NOL4L: variants seen among roughly 807,000 people sequenced by gnomAD.
The protein encoded by NOL4L is nucleolar protein 4-like.
A neutral mutation model predicts 64.5 loss-of-function variants in NOL4L; 7 were observed. The observed-to-expected ratio is 0.11, with a 90% CI of 0.06 to 0.20. The LOEUF is 0.20. Among genes scored for constraint, NOL4L ranks in the 10% least tolerant of loss-of-function variants. NOL4L has a pLI of 1.00. For synonymous variants in NOL4L, 413 were observed against 401.0 expected (o/e 1.03, Z -0.36); for missense variants, 680 against 967.1 (o/e 0.70, Z 3.94).
chr20:32,475,074 T>G (rs2015299458), intron 4 of NOL4L: 1 of 985,308 alleles, frequency 1.0e-6, no homozygotes, highest in South Asian at 4.7e-5. Flanking sequence ...AAACAAGGGC[T>G]GCCGCTCCCT....
Position 32,453,961 on chromosome 20 carries a change from C to T in NOL4L, c.1120-200G>A. On this transcript the variant is annotated intron_variant, in intron 6 of 10. Transcript: ENST00000621426. This position sits in a 1 kb window ranked among gnomAD's most constrained non-coding sequence, Gnocchi z 5.6. ...GCAATGGGGACAGCAATGCTACCAC[C>T]TCCCTCCCTGGGCTGCCGCAGGGAG... 1.7e-6 allele frequency: 1 copy of T among 596,982 alleles called. No individual in the cohort carries two copies. Among genetic ancestry groups the T allele is most frequent in the Non-Finnish European group, 3.0e-6 (1 of 336,194 alleles). The allele number at this position is 596,982 out of a possible 1,614,324, so 37.0% of individuals were successfully genotyped here.
intron 4 of NOL4L, among the ~76,000 whole-genome samples, chr20:32,478,284 C>T (rs1007935971): frequency 2.0e-5 from 3 of 152,112 alleles, no homozygotes; most frequent in Admixed American, 6.5e-5. Flanking sequence ...CTCTCTCTCT[C>T]TCTCTCTCAT....
chr20:32,582,916 G>C (rs1980574306), intron 1 of NOL4L, among the ~76,000 whole-genome samples: 1 of 152,134 alleles, frequency 6.6e-6, no homozygotes, highest in Admixed American at 6.5e-5. Context: ...CACTGATTTG[G>C]GCTGGGGGAG....
intron 1 of NOL4L, among the ~76,000 whole-genome samples, chr20:32,534,747 G>A (rs1029674734): frequency 1.3e-5 from 2 of 151,766 alleles, no homozygotes; most frequent in Non-Finnish European, 2.9e-5. Context: ...TGGGCGTGGC[G>A]GCATTCGACT....
Position 32,527,933 on chromosome 20 carries a change from C to G in NOL4L, c.322-20G>C, listed in dbSNP as rs751172360. Reference sequence around the variant, plus strand: ...TGCCCCCTGCGACAGGGTGGACAAGCTGTGTTAGTGTCAGGAATGATGGCG... The same window carrying G: ...TGCCCCCTGCGACAGGGTGGACAAGGTGTGTTAGTGTCAGGAATGATGGCG... On this transcript the variant is annotated intron_variant, in intron 1 of 10. Transcript: ENST00000621426. 1.1e-5 allele frequency: 17 copies of G among 1,544,678 alleles called. No homozygotes were observed. Among genetic ancestry groups the G allele is most frequent in the Middle Eastern group, 1.7e-4 (1 of 5,982 alleles).
chr20:32,494,748 G>C (rs889830198), intron 4 of NOL4L, among the ~76,000 whole-genome samples: 4 of 152,212 alleles, frequency 2.6e-5, no homozygotes, highest in Admixed American at 2.6e-4. Flanking sequence ...TGTGGACAAG[G>C]TTGGAGCAAT....
intron 1 of NOL4L, among the ~76,000 whole-genome samples, chr20:32,549,306 T>C (rs1326981686): frequency 6.6e-6 from 1 of 152,170 alleles, no homozygotes; most frequent in Non-Finnish European, 1.5e-5. Flanking sequence ...GGCAAGGATC[T>C]GAATAGATAT....
intron 5 of NOL4L, among the ~76,000 whole-genome samples, chr20:32,467,163 C>A (rs2014626609): frequency 6.6e-6 from 1 of 152,160 alleles, no homozygotes; most frequent in African/African-American, 2.4e-5. Flanking sequence ...CCCATGGCAC[C>A]CTGAGTACCA....
rs548543791 is a variant in NOL4L, at chr20:32,478,536, C to T, written c.700-3794G>A. Among the ~76,000 whole-genome samples, 211 of 152,340 alleles carry T rather than the reference C, an allele frequency of 1.4e-3. 1 individual carries two copies. Among genetic ancestry groups the T allele is most frequent in the Non-Finnish European group, 1.9e-3 (131 of 68,034 alleles). ...CCCAGCTCCCCAGGAAGTTTTCCCA[C>T]AGCCTCCAGGGTTCTGCCATGTGGA... On this transcript the variant is annotated intron_variant, in intron 4 of 10. Coordinates refer to ENST00000621426, the MANE Select transcript of NOL4L (RefSeq NM_001256798.2).
chr20:32,472,018 C>T (rs754277468), intron 5 of NOL4L, among the ~76,000 whole-genome samples: 25 of 152,158 alleles, frequency 1.6e-4, no homozygotes, highest in Admixed American at 5.9e-4. Context: ...CAACACCAAA[C>T]GGACCAACAC....
chr20:32,549,146 A>G (rs569811651), intron 1 of NOL4L, among the ~76,000 whole-genome samples: 6 of 152,224 alleles, frequency 3.9e-5, no homozygotes, highest in Non-Finnish European at 7.3e-5. Flanking sequence ...TAATGCTACA[A>G]TGGACACCAT....
chr20:32,503,947 A>G (rs185018909), intron 4 of NOL4L, among the ~76,000 whole-genome samples: 2 of 152,276 alleles, frequency 1.3e-5, no homozygotes, highest in African/African-American at 2.4e-5. Context: ...TAAATACCCA[A>G]TGCCATTTAA....
chr20:32,582,020 G>A (rs1234047052), intron 1 of NOL4L: 1 of 152,228 alleles, frequency 6.6e-6, no homozygotes. Flanking sequence ...TTGGATCAGT[G>A]AAAAGGAAAA....
At position 32,491,135 on chromosome 20, in the gene NOL4L, C is replaced by G. The variant is rs149274326; in HGVS notation, c.700-16393G>C. ...CAGACTCAGGGTTGACCATAGGGAG[C>G]CTCCAGGCCAGCAGGGGAGAGAGAG... is the stretch of plus-strand genomic sequence containing the variant. On this transcript the variant is annotated intron_variant, in intron 4 of 10. Transcript: ENST00000621426. Among the ~76,000 whole-genome samples, 6 of 152,306 alleles carry G rather than the reference C, an allele frequency of 3.9e-5. No homozygotes were observed. The East Asian group carries it at 9.6e-4, about 24-fold the overall frequency.
intron 1 of NOL4L, chr20:32,532,254 A>G (rs907729151): frequency 5.3e-6 from 3 of 562,192 alleles, no homozygotes; most frequent in African/African-American, 4.1e-5. Flanking sequence ...AAAGATTTAC[A>G]TAGGAAAGGA....
intron 1 of NOL4L, among the ~76,000 whole-genome samples, chr20:32,558,536 C>T (rs1978800852): frequency 6.6e-6 from 1 of 152,208 alleles, no homozygotes; most frequent in African/African-American, 2.4e-5. Flanking sequence ...ACTCACGGTT[C>T]TGGAAAGGGA....
rs1254264405 is a variant in NOL4L, at chr20:32,446,236, A to AATCAATC, written c.*1353_*1359dup. ...GAGCAAGAGGAAGTGCCTATCAATC[A>AATCAATC]ATCAATCAGGGAGGAAGGAAACCAG... On this transcript the variant is annotated 3_prime_UTR_variant, in exon 11 of 11. Transcript: ENST00000621426. 6.6e-6 allele frequency: 1 copy of AATCAATC among 152,220 alleles called. No homozygotes were observed. Among genetic ancestry groups the AATCAATC allele is most frequent in the East Asian group, 1.9e-4 (1 of 5,178 alleles). The allele number at this position is 152,220 out of a possible 1,614,324, so 9.4% of individuals were successfully genotyped here. A position where few individuals can be genotyped will look rare whatever the true frequency, so the allele number is the denominator to read the frequency against.
chr20:32,452,489 A>G (rs1000399019), intron 9 of NOL4L, 52 bp from the exon 10 acceptor site: 8 of 1,461,380 alleles, frequency 5.5e-6, no homozygotes, highest in Middle Eastern at 2.3e-4. Context: ...GCTGGCCCCA[A>G]CTACCATCCC....
intron 1 of NOL4L, among the ~76,000 whole-genome samples, chr20:32,538,434 CG>C (rs1316215858): frequency 6.6e-6 from 1 of 151,794 alleles, no homozygotes; most frequent in East Asian, 1.9e-4. Flanking sequence ...CCCACTGCCC[CG>C]GCCATGACCT....
Sources: allele counts gnomAD v4.1 joint callset (sites outside exome capture counted in the v4.1 genomes callset), GRCh38; gene constraint gnomAD v4.1.1; non-coding constraint Gnocchi (gnomAD v3.1); transcripts MANE v1.5; gene names NCBI Gene and HGNC (gene_info 2026-07-23, HGNC 2026-07-21).